The following ZHX3 variants were observed in gnomAD, a reference collection of about 807,000 sequenced individuals.
The protein encoded by ZHX3 is zinc fingers and homeoboxes 3, also known as zinc fingers and homeoboxes protein 3.
A neutral mutation model predicts 64.5 loss-of-function variants in ZHX3; 20 were observed. The observed-to-expected ratio is 0.31, with a 90% CI of 0.22 to 0.45. ZHX3 has a LOEUF of 0.45. Among genes scored for constraint, ZHX3 ranks in the 20% least tolerant of loss-of-function variants. The probability of loss-of-function intolerance (pLI) is 1.00; values close to 1 mark genes in which losing one functional copy is unlikely to be tolerated. For missense variants in ZHX3, 1,041 were observed against 1,195.8 expected (o/e 0.87, Z 1.91); for synonymous variants, 423 against 461.6 (o/e 0.92, Z 1.07).
intron 2 of ZHX3, among the ~76,000 whole-genome samples, chr20:41,227,770 A>T (rs1222689248): frequency 6.6e-6 from 1 of 152,112 alleles, no homozygotes; most frequent in Non-Finnish European, 1.5e-5. Context: ...TTGGTTTGTT[A>T]TTACATATTG....
At chr20:41,315,329 C>A (rs1433218705) in intron 1 of ZHX3, among the ~76,000 whole-genome samples, 1 of 148,674 alleles carries the variant, frequency 6.7e-6, no homozygotes, top group African/African-American at 2.5e-5. Flanking sequence ...ATTACAGGCA[C>A]GCACCACCAG....
intron 2 of ZHX3, among the ~76,000 whole-genome samples, chr20:41,258,273 C>T (rs1284643875): frequency 6.6e-6 from 1 of 152,162 alleles, no homozygotes; most frequent in African/African-American, 2.4e-5. Context: ...TACAGAGTTT[C>T]CATATATCCT....
chr20:41,218,140 T>C (rs2039672229), intron 2 of ZHX3, among the ~76,000 whole-genome samples: 1 of 152,028 alleles, frequency 6.6e-6, no homozygotes, highest in African/African-American at 2.4e-5. Context: ...AGCAAGACCC[T>C]GTCTCCTAAA....
rs1472931040 is a variant in ZHX3 at position 41,185,140 on chromosome 20, T to G, written c.*51A>C. ...GAGAGTCGGGTTTGGCTCTTCCACG[T>G]GGCAGGCGGTTTCCCAGACTGGCCA... On this transcript the variant is annotated 3_prime_UTR_variant, in exon 4 of 4. Transcript: ENST00000683867. This position sits in a 1 kb window ranked among gnomAD's most constrained non-coding sequence, Gnocchi z 5.0. 1 of 1,597,086 alleles carries G rather than the reference T, an allele frequency of 6.3e-7. No individual in the cohort carries two copies. The highest frequency in any genetic ancestry group is 8.5e-7 in the Non-Finnish European group (1 of 1,170,758).
chr20:41,255,778 T>C (rs1196022280), intron 2 of ZHX3, among the ~76,000 whole-genome samples: 1 of 152,174 alleles, frequency 6.6e-6, no homozygotes, highest in African/African-American at 2.4e-5. Context: ...CTCAAGAATT[T>C]AAATTCAGGA....
intron 1 of ZHX3, among the ~76,000 whole-genome samples, chr20:41,289,816 C>T (rs1269436851): frequency 2.0e-5 from 3 of 149,386 alleles, no homozygotes; most frequent in African/African-American, 5.0e-5. Context: ...AAGTGCCTAG[C>T]GGAAGCCTGA....
chr20:41,251,851 T>A lies in ZHX3; in HGVS notation c.-151+17139A>T, dbSNP rs979334491. Among the ~76,000 whole-genome samples, 5 of 152,118 alleles carry A rather than the reference T, an allele frequency of 3.3e-5. No individual in the cohort carries two copies. The South Asian group carries it at 6.2e-4, about 19-fold the overall frequency. The stretch of plus-strand genomic sequence containing the variant: ...GAGATACAAAATATATATATATATA[T>A]AACATGGCTTTACACTGTATGTAAG... On this transcript the variant is annotated intron_variant, in intron 2 of 3. Coordinates refer to ENST00000683867, the MANE Select transcript of ZHX3 (RefSeq NM_001384317.1).
chr20:41,188,801 C>A (rs1198655581), intron 3 of ZHX3, among the ~76,000 whole-genome samples: 2 of 152,178 alleles, frequency 1.3e-5, no homozygotes, highest in African/African-American at 2.4e-5. Context: ...TTCTCCCACT[C>A]AACATATTGT....
chr20:41,257,363 G>C (rs896444234), intron 2 of ZHX3, among the ~76,000 whole-genome samples: 1 of 152,076 alleles, frequency 6.6e-6, no homozygotes, highest in African/African-American at 2.4e-5. Flanking sequence ...TCTCATCGTA[G>C]CTTTCCACTA....
chr20:41,303,403 G>C (rs902189968), intron 1 of ZHX3, among the ~76,000 whole-genome samples: 7 of 152,166 alleles, frequency 4.6e-5, no homozygotes, highest in African/African-American at 1.4e-4. Flanking sequence ...AACACAATGA[G>C]AAGCAAAAAT....
At position 41,226,985 on chromosome 20, in the gene ZHX3, T is replaced by C. The variant is rs1316417842; in HGVS notation, c.-150-21919A>G. Reference sequence around the variant, plus strand: ...TGAGTACTGTTTTGAATGCTGTTAATATTTCATCAGGAAGTATCAGTTTCC... The same window carrying C: ...TGAGTACTGTTTTGAATGCTGTTAACATTTCATCAGGAAGTATCAGTTTCC... On this transcript the variant is annotated intron_variant, in intron 2 of 3. Coordinates refer to ENST00000683867, the MANE Select transcript of ZHX3 (RefSeq NM_001384317.1). The surrounding 1 kb of genome is among the most constrained non-coding windows in gnomAD (Gnocchi z 4.4). Among the ~76,000 whole-genome samples the C allele has an allele frequency of 1.3e-5, 2 of 152,208 alleles. No individual in the cohort carries two copies. Among genetic ancestry groups the C allele is most frequent in the Non-Finnish European group, 2.9e-5 (2 of 68,044 alleles).
chr20:41,242,280 G>A (rs1446609437), intron 2 of ZHX3, among the ~76,000 whole-genome samples: 1 of 152,186 alleles, frequency 6.6e-6, no homozygotes, highest in Admixed American at 6.5e-5. Flanking sequence ...GGCTTGAATG[G>A]CTAAGTCATT....
chr20:41,202,030 TA>T lies in ZHX3; in HGVS notation c.2860+26del. On this transcript the variant is annotated intron_variant, in intron 3 of 3. Coordinates refer to ENST00000683867, the MANE Select transcript of ZHX3 (RefSeq NM_001384317.1). The surrounding 1 kb of genome is among the most constrained non-coding windows in gnomAD (Gnocchi z 7.0). ...GCCTCCTCCCCTTACCCACACAGGA[TA>T]GCCATGGCCCCTGTGGACTCCTTAC... 1 of 1,551,574 alleles carries T rather than the reference TA, an allele frequency of 6.4e-7. No homozygotes were observed. The highest frequency in any genetic ancestry group is 8.7e-7 in the Non-Finnish European group (1 of 1,148,956).
intron 2 of ZHX3, among the ~76,000 whole-genome samples, chr20:41,246,283 T>C (rs1204172012): frequency 6.6e-6 from 1 of 152,222 alleles, no homozygotes. Context: ...AAAATTTACA[T>C]TAAGTTCATG....
At chr20:41,227,329 C>T (rs1192836367) in intron 2 of ZHX3, among the ~76,000 whole-genome samples, 3 of 152,186 alleles carry the variant, frequency 2.0e-5, no homozygotes, top group African/African-American at 4.8e-5. Context: ...GTGCTCAGTA[C>T]CTGAGCCTTC....
intron 2 of ZHX3, among the ~76,000 whole-genome samples, chr20:41,209,195 C>T (rs977790202): frequency 9.2e-5 from 14 of 152,108 alleles, no homozygotes; most frequent in African/African-American, 2.4e-4. Flanking sequence ...TAAGAGGACA[C>T]AAACAAATGG....
chr20:41,248,484 C>T (rs540902285), intron 2 of ZHX3, among the ~76,000 whole-genome samples: 1 of 152,302 alleles, frequency 6.6e-6, no homozygotes, highest in Admixed American at 6.5e-5. Context: ...AGGATACATG[C>T]TATACAACAC....
chr20:41,231,114 T>C (rs2040576456), intron 2 of ZHX3, among the ~76,000 whole-genome samples: 1 of 152,262 alleles, frequency 6.6e-6, no homozygotes, highest in African/African-American at 2.4e-5. Flanking sequence ...GTTGGAATCA[T>C]ACAGGTATGT....
At position 41,232,774 on chromosome 20, in the gene ZHX3, A is replaced by C. The variant is rs529328964; in HGVS notation, c.-150-27708T>G. Among the ~76,000 whole-genome samples, 9 of 151,978 alleles carry C rather than the reference A, an allele frequency of 5.9e-5. No individual in the cohort carries two copies. In the South Asian group the frequency reaches 1.9e-3, roughly 32 times the overall value. On this transcript the variant is annotated intron_variant, in intron 2 of 3. Transcript: ENST00000683867. This position sits in a 1 kb window ranked among gnomAD's most constrained non-coding sequence, Gnocchi z 5.0. ...CTAATTTTTTGTATTTTTAGTAGAG[A>C]CGGGGTTTCACCGTGTTAGCCAGGA...
Sources: allele counts gnomAD v4.1 joint callset (sites outside exome capture counted in the v4.1 genomes callset), GRCh38; gene constraint gnomAD v4.1.1; non-coding constraint Gnocchi (gnomAD v3.1); transcripts MANE v1.5; gene names NCBI Gene and HGNC (gene_info 2026-07-23, HGNC 2026-07-21).